Variants in GALNTL6 observed in about 807,000 individuals in gnomAD.
GALNTL6 encodes polypeptide N-acetylgalactosaminyltransferase-like 6.
A neutral mutation model predicts 73.7 loss-of-function variants in GALNTL6; 46 were observed. The observed-to-expected ratio is 0.62, with a 90% CI of 0.49 to 0.80. The LOEUF (loss-of-function observed/expected upper bound fraction) is 0.80. Ranked by LOEUF, GALNTL6 falls within the 30% of genes least tolerant of loss-of-function variation. The pLI is 0.00. For synonymous variants in GALNTL6, 259 were observed against 263.7 expected (o/e 0.98, Z 0.17); for missense variants, 604 against 755.0 (o/e 0.80, Z 2.34).
chr4:172,545,222 AGAGGTAATAT>A (rs1006430349), intron 5 of GALNTL6, among the ~76,000 whole-genome samples: 3 of 152,210 alleles, frequency 2.0e-5, no homozygotes, highest in African/African-American at 7.2e-5. Context: ...CTAAGGCCCC[AGAGGTAATAT>A]GATATGGCTA....
intron 2 of GALNTL6, among the ~76,000 whole-genome samples, chr4:172,185,742 CACTAACA>C (rs1173638379): frequency 6.6e-6 from 1 of 152,116 alleles, no homozygotes; most frequent in Non-Finnish European, 1.5e-5. Flanking sequence ...TTCTGTTTTT[CACTAACA>C]ACTGACTTTA....
intron 2 of GALNTL6, among the ~76,000 whole-genome samples, chr4:171,864,231 T>G (rs1382208670): frequency 6.6e-6 from 1 of 152,240 alleles, no homozygotes; most frequent in East Asian, 1.9e-4. Context: ...TAGAATAACT[T>G]CTATGTTTAT....
intron 5 of GALNTL6, among the ~76,000 whole-genome samples, chr4:172,672,873 G>A (rs968375018): frequency 6.6e-6 from 1 of 151,710 alleles, no homozygotes; most frequent in African/African-American, 2.4e-5. Context: ...GGTAATATCC[G>A]CCTCATCATT....
intron 2 of GALNTL6, among the ~76,000 whole-genome samples, chr4:172,184,774 A>G (rs1298657020): frequency 6.6e-5 from 10 of 152,272 alleles, no homozygotes; most frequent in East Asian, 1.9e-4. Flanking sequence ...TCACAATTCA[A>G]GATCGAGGGA....
At position 171,907,674 on chromosome 4, in the gene GALNTL6, C is replaced by T. The variant is rs1737334801; in HGVS notation, c.138+92956C>T. On this transcript the variant is annotated intron_variant, in intron 2 of 12. Coordinates refer to ENST00000506823, the MANE Select transcript of GALNTL6 (RefSeq NM_001034845.3). ...AAGTTCATATGGAACCAAAAAAGAG[C>T]CCACATCGCCAAGTCAATCCTAAGC... Among the ~76,000 whole-genome samples, 5 of 151,430 alleles carry T rather than the reference C, an allele frequency of 3.3e-5. No homozygotes were observed. The South Asian group carries it at 8.3e-4, about 25-fold the overall frequency.
chr4:172,269,842 C>G (rs58628433), intron 3 of GALNTL6, among the ~76,000 whole-genome samples: 1 of 151,982 alleles, frequency 6.6e-6, no homozygotes, highest in Non-Finnish European at 1.5e-5. Flanking sequence ...ACCTCTGCCT[C>G]CTGGGTTCAA....
chr4:172,921,242 A>G (rs1199888776), intron 8 of GALNTL6, among the ~76,000 whole-genome samples: 2 of 152,198 alleles, frequency 1.3e-5, no homozygotes, highest in East Asian at 3.8e-4. Flanking sequence ...TACTTTTTTG[A>G]GAATTTGAAT....
intron 5 of GALNTL6, among the ~76,000 whole-genome samples, chr4:172,481,442 G>T (rs1037389346): frequency 6.6e-6 from 1 of 151,068 alleles, no homozygotes; most frequent in Admixed American, 6.6e-5. Context: ...TGTGGGCTTG[G>T]GCAGCCTGCT....
At chr4:172,642,876 A>T (rs2111127135) in intron 5 of GALNTL6, among the ~76,000 whole-genome samples, 1 of 152,030 alleles carries the variant, frequency 6.6e-6, no homozygotes, top group African/African-American at 2.4e-5. Flanking sequence ...TGAATGTATG[A>T]ATGAATGGAT....
At chr4:173,004,250 A>C (rs1414433088) in intron 10 of GALNTL6, among the ~76,000 whole-genome samples, 1 of 152,138 alleles carries the variant, frequency 6.6e-6, no homozygotes, top group Admixed American at 6.5e-5. Flanking sequence ...AGACCTGCTT[A>C]GTCTCCATCC....
In GALNTL6 at chr4:171,885,420, T is replaced by C. The variant is rs75923231; in HGVS notation, c.138+70702T>C. On this transcript the variant is annotated intron_variant, in intron 2 of 12. Coordinates refer to ENST00000506823, the MANE Select transcript of GALNTL6 (RefSeq NM_001034845.3). ...GATATTTATGTTTATACAAATTCATTTGGGGGACTCTTCATTGGCTGCAAA... is the reference window on the plus strand; with the variant it reads ...GATATTTATGTTTATACAAATTCATCTGGGGGACTCTTCATTGGCTGCAAA... 1.4e-3 allele frequency among the ~76,000 whole-genome samples: 212 copies of C among 152,296 alleles called. 1 individual carries two copies. The Middle Eastern group carries it at 0.02, about 15-fold the overall frequency.
intron 5 of GALNTL6, among the ~76,000 whole-genome samples, chr4:172,418,837 T>C (rs2111357210): frequency 6.6e-6 from 1 of 152,316 alleles, no homozygotes; most frequent in African/African-American, 2.4e-5. Flanking sequence ...TCAACAGCAT[T>C]GTCCGGAGTC....
intron 2 of GALNTL6, among the ~76,000 whole-genome samples, chr4:172,077,835 C>T (rs1232141161): frequency 3.3e-5 from 5 of 152,078 alleles, no homozygotes; most frequent in African/African-American, 1.2e-4. Context: ...TATGGCAGCC[C>T]CTCCCATCAC....
chr4:172,188,360 T>C (rs1735475867), intron 2 of GALNTL6, among the ~76,000 whole-genome samples: 1 of 152,204 alleles, frequency 6.6e-6, no homozygotes, highest in Non-Finnish European at 1.5e-5. Flanking sequence ...TGTACAGAAA[T>C]TCCCACCATG....
At chr4:171,944,059 G>A (rs1160273222) in intron 2 of GALNTL6, among the ~76,000 whole-genome samples, 1 of 151,878 alleles carries the variant, frequency 6.6e-6, no homozygotes, top group Non-Finnish European at 1.5e-5. Context: ...TCTGGAGTCT[G>A]TGTGTAATTT....
chr4:171,862,860 T>C (rs1005200328), intron 2 of GALNTL6, among the ~76,000 whole-genome samples: 21 of 152,140 alleles, frequency 1.4e-4, no homozygotes, highest in Non-Finnish European at 2.8e-4. Flanking sequence ...TATCTGAGTT[T>C]TTCTCAGGAC....
At chr4:172,479,641 C>A (rs1409281960) in intron 5 of GALNTL6, among the ~76,000 whole-genome samples, 1 of 152,150 alleles carries the variant, frequency 6.6e-6, no homozygotes, top group Non-Finnish European at 1.5e-5. Context: ...ACTGAAACCC[C>A]AGACTTCACC....
In GALNTL6 at chr4:173,015,353, CAGA is replaced by C. The variant is rs375845438; in HGVS notation, c.1488+6067_1488+6069del. Among the ~76,000 whole-genome samples, 1,287 of 152,102 alleles carry C rather than the reference CAGA, an allele frequency of 8.5e-3. 17 individuals are homozygous for C. Among genetic ancestry groups the C allele is most frequent in the African/African-American group, 0.029 (1,189 of 41,478 alleles). Reference sequence around the variant, plus strand: ...AGAGGTTGGAACAGTTTGGAGGGCTCAGAAGAAGAAAGGAAAATGTGAGAAAGT... The same window carrying C: ...AGAGGTTGGAACAGTTTGGAGGGCTCAGAAGAAAGGAAAATGTGAGAAAGT... On this transcript the variant is annotated intron_variant, in intron 11 of 12. Coordinates refer to ENST00000506823, the MANE Select transcript of GALNTL6 (RefSeq NM_001034845.3).
At chr4:172,731,590 G>T (rs1736154336) in intron 5 of GALNTL6, among the ~76,000 whole-genome samples, 1 of 151,606 alleles carries the variant, frequency 6.6e-6, no homozygotes, top group Admixed American at 6.6e-5. Context: ...TAGTAATTTA[G>T]GATTTTATTT....
Sources: gnomAD v4.1 joint callset for allele counts (sites outside exome capture counted in the v4.1 genomes callset) on GRCh38, gnomAD v4.1.1 for gene constraint, MANE v1.5 for transcripts, NCBI Gene and HGNC (gene_info 2026-07-23, HGNC 2026-07-21) for gene names.